Variants in GSE1 observed in about 807,000 individuals in gnomAD.
The protein encoded by GSE1 is genetic suppressor element 1.
In GSE1, 32 loss-of-function variants were observed where a neutral mutation model predicts 112.6. The observed-to-expected ratio is 0.28, with a 90% CI of 0.21 to 0.38. GSE1 has a LOEUF of 0.38. GSE1 is among the 10% of genes least tolerant of loss of function. The pLI is 1.00. For synonymous variants in GSE1, 1,115 were observed against 735.6 expected (o/e 1.52, Z -8.35); for missense variants, 2,348 against 1,699.2 (o/e 1.38, Z -6.71).
At chr16:85,317,986 A>G (rs1418532673) in intron 1 of GSE1, among the ~76,000 whole-genome samples, 1 of 152,216 alleles carries the variant, frequency 6.6e-6, no homozygotes, top group African/African-American at 2.4e-5. Context: ...AAAGAGAGGA[A>G]TTGGCAAGCC....
chr16:85,611,774 T>C (rs1203990962), upstream of GSE1, among the ~76,000 whole-genome samples: 1 of 151,326 alleles, frequency 6.6e-6, no homozygotes, highest in Admixed American at 6.6e-5. Flanking sequence ...CCGAACGCTC[T>C]AGGCCCGCCA....
intron 1 of GSE1, among the ~76,000 whole-genome samples, chr16:85,625,259 A>G (rs2048994259): frequency 6.6e-6 from 1 of 152,190 alleles, no homozygotes; most frequent in Non-Finnish European, 1.5e-5. Flanking sequence ...CGCTTAGGAT[A>G]ATCGCGTCAA....
Position 85,634,010 on chromosome 16 carries a change from A to C in GSE1, c.104A>C (p.Asn35Thr). Residue 35 changes from asparagine to threonine, a missense_variant, in exon 2 of 16, where the codon AAT (asparagine) becomes ACT (threonine). Asn to Thr is a moderately conservative substitution (Grantham distance 65). Transcript: ENST00000253458. ...AACCCCCTCACCCCCTCGCCGCTCA[A>C]TGGCGCCCTGGTGCCCAGCGGCAGC... ...TVNPLTPSPLNGALVPSGSPA... is the reference protein window; with the variant it reads ...TVNPLTPSPLTGALVPSGSPA... 2.5e-6 allele frequency: 4 copies of C among 1,612,122 alleles called. No individual in the cohort carries two copies. The highest frequency in any genetic ancestry group is 3.4e-6 in the Non-Finnish European group (4 of 1,179,382).
At chr16:85,324,615 A>G (rs1018429402) in intron 1 of GSE1, among the ~76,000 whole-genome samples, 36 of 152,204 alleles carry the variant, frequency 2.4e-4, no homozygotes, top group African/African-American at 8.2e-4. Flanking sequence ...AAGTGGAAAC[A>G]GCACAGAAGC....
In GSE1 at chr16:85,380,702, A is replaced by G. The variant is rs980218888; in HGVS notation, c.2464+23059A>G. On this transcript the variant is annotated intron_variant, in intron 2 of 2. Coordinates refer to the GSE1 transcript ENST00000637419. ...TTGGCTCCATTTGGCGTGGCCCCGG[A>G]CCTAATTAGATCTAATTAATACTCA... 6.0e-4 allele frequency among the ~76,000 whole-genome samples: 92 copies of G among 152,232 alleles called. 1 individual carries two copies. The highest frequency in any genetic ancestry group is 3.4e-3 in the Middle Eastern group (1 of 294).
In GSE1 at chr16:85,419,016, C is replaced by T. The variant is rs140458098; in HGVS notation, c.2464+61373C>T. Among the ~76,000 whole-genome samples the T allele has an allele frequency of 8.5e-5, 13 of 152,116 alleles. No homozygotes were observed. In the East Asian group the frequency reaches 1.2e-3, roughly 14 times the overall value. The stretch of plus-strand genomic sequence containing the variant: ...TCCGTCCTGGCCATGTGAGAGCTGC[C>T]GTGAGACACTGTGCGGAGATCCAAC... On this transcript the variant is annotated intron_variant, in intron 2 of 2. Coordinates refer to the GSE1 transcript ENST00000637419. This position sits in a 1 kb window ranked among gnomAD's most constrained non-coding sequence, Gnocchi z 6.5.
chr16:85,190,847 G>T (rs1176964187), intron 1 of GSE1, among the ~76,000 whole-genome samples: 1 of 152,248 alleles, frequency 6.6e-6, no homozygotes, highest in African/African-American at 2.4e-5. Context: ...CACCAGGGTG[G>T]GGCTGATGGT....
intron 2 of GSE1, among the ~76,000 whole-genome samples, chr16:85,471,718 A>G (rs1424802471): frequency 1.7e-5 from 1 of 59,288 alleles, no homozygotes; most frequent in Non-Finnish European, 4.0e-5. Context: ...TTATTTCTTA[A>G]TTTACTTTTT....
intron 2 of GSE1, among the ~76,000 whole-genome samples, chr16:85,639,804 G>A (rs929944524): frequency 6.6e-5 from 10 of 152,240 alleles, no homozygotes; most frequent in Admixed American, 4.6e-4. Context: ...ACCCTCGCAA[G>A]CTGTGTGGCA....
chr16:85,252,264 G>A (rs13335535), intron 1 of GSE1, among the ~76,000 whole-genome samples: 1 of 150,526 alleles, frequency 6.6e-6, no homozygotes, highest in Non-Finnish European at 1.5e-5. Context: ...ATCTCCATGC[G>A]ATCACCCGGC....
At chr16:85,585,508 G>A (rs1161593772) in intron 1 of GSE1, among the ~76,000 whole-genome samples, 6 of 152,158 alleles carry the variant, frequency 3.9e-5, no homozygotes, top group Non-Finnish European at 5.9e-5. Flanking sequence ...CCAAACACTC[G>A]CTTTGGCACG....
intron 2 of GSE1, among the ~76,000 whole-genome samples, chr16:85,542,135 T>G (rs2044541757): frequency 6.6e-6 from 1 of 152,176 alleles, no homozygotes; most frequent in South Asian, 2.1e-4. Flanking sequence ...GAGCCCGCTC[T>G]GCGTGTGATT....
At chr16:85,360,480 TGTCCCGCAGTCAG>T (rs1597482890) in intron 2 of GSE1, among the ~76,000 whole-genome samples, 1 of 152,286 alleles carries the variant, frequency 6.6e-6, no homozygotes, top group East Asian at 1.9e-4. Context: ...ACCAGGAGCA[TGTCCCGCAGTCAG>T]GCCCCGCCTG....
chr16:85,211,349 A>T (rs1159032102), intron 1 of GSE1, among the ~76,000 whole-genome samples: 1 of 144,684 alleles, frequency 6.9e-6, no homozygotes, highest in East Asian at 2.0e-4. Context: ...CTTGCTAAGC[A>T]CTTTATTATT....
chr16:85,470,081 G>T (rs1278853451), intron 2 of GSE1, among the ~76,000 whole-genome samples: 1 of 152,246 alleles, frequency 6.6e-6, no homozygotes, highest in Non-Finnish European at 1.5e-5. Flanking sequence ...CTCTGAGGGT[G>T]AGGGCCACGC....
chr16:85,422,372 G>A (rs916762878), intron 2 of GSE1, among the ~76,000 whole-genome samples: 4 of 152,156 alleles, frequency 2.6e-5, no homozygotes, highest in East Asian at 1.9e-4. Context: ...GGCGGGGCGG[G>A]GGGGGGTGCC....
chr16:85,255,092 C>T (rs1232159700), intron 1 of GSE1, among the ~76,000 whole-genome samples: 2 of 152,182 alleles, frequency 1.3e-5, no homozygotes, highest in South Asian at 2.1e-4. Flanking sequence ...AGGGAGGCGG[C>T]GGCGGCGGTC....
intron 2 of GSE1, among the ~76,000 whole-genome samples, chr16:85,483,351 G>A (rs936525274): frequency 2.0e-5 from 3 of 152,274 alleles, no homozygotes; most frequent in African/African-American, 4.8e-5. Context: ...AGTACGTGGA[G>A]TTGAGTCCCC....
rs1265736888 is a variant in GSE1, at chr16:85,617,592, A to AC, written c.7+4197dup. ...ATGCAGCCTGGGCATCCGTGTGTCA[A>AC]CCCTCCCCCCCCCCCCCCCGTTAAC... On this transcript the variant is annotated intron_variant, in intron 1 of 15. Transcript: ENST00000253458. 6.0e-4 allele frequency among the ~76,000 whole-genome samples: 48 copies of AC among 80,024 alleles called. 1 individual carries two copies. Among genetic ancestry groups the AC allele is most frequent in the South Asian group, 2.9e-3 (6 of 2,098 alleles). 52.5% of individuals were successfully genotyped at this position (80,024 alleles called of 152,430 possible). A position where few individuals can be genotyped will look rare whatever the true frequency, so the allele number is the denominator to read the frequency against.
Sources: allele counts gnomAD v4.1 joint callset (sites outside exome capture counted in the v4.1 genomes callset), GRCh38; gene constraint gnomAD v4.1.1; non-coding constraint Gnocchi (gnomAD v3.1); transcripts MANE v1.5; gene names NCBI Gene and HGNC (gene_info 2026-07-23, HGNC 2026-07-21).